RAB44: variants seen among roughly 807,000 people sequenced by gnomAD.
RAB44 encodes RAB44, member RAS oncogene family, also known as ras-related protein Rab-44.
RAB44 carries 67 observed loss-of-function variants against 93.3 expected under a neutral mutation model. The observed-to-expected ratio is 0.72, with a 90% confidence interval of 0.59 to 0.88. The LOEUF (loss-of-function observed/expected upper bound fraction) is 0.88. RAB44 is among the 40% of genes least tolerant of loss of function. The pLI is 0.00. For missense variants in RAB44, 1,064 were observed against 1,261.7 expected, an observed-to-expected ratio of 0.84 and a Z score of 2.37; for synonymous variants, 427 against 520.3, an observed-to-expected ratio of 0.82 and a Z score of 2.44.
intron 10 of RAB44, among the ~76,000 whole-genome samples, chr6:36,727,102 G>A (rs917927349): frequency 9.9e-5 from 15 of 152,118 alleles, no homozygotes; most frequent in African/African-American, 3.6e-4. Context: ...TGCCCAGCCC[G>A]ATAGGGAAAT....
chr6:36,707,853 T>C (rs190680208), intron 2 of RAB44, among the ~76,000 whole-genome samples: 2 of 152,266 alleles, frequency 1.3e-5, no homozygotes, highest in East Asian at 3.9e-4. Flanking sequence ...CCTAATAATA[T>C]CAGAACGGAG....
rs1048470296 is a variant in RAB44, at chr6:36,704,113, G to A, written c.-12-111G>A. 28 of 998,112 alleles carry A rather than the reference G, an allele frequency of 2.8e-5. No individual in the cohort carries two copies. The African/African-American group carries it at 3.7e-4, about 13-fold the overall frequency. 61.8% of individuals were successfully genotyped at this position (998,112 alleles called of 1,614,324 possible). A position where few individuals can be genotyped will look rare whatever the true frequency, so the allele number is the denominator to read the frequency against. ...CGGGACACCATCAGGCCGGGCTTTG[G>A]CAGCCACAGTGGATTTTCTTCCAAG... On this transcript the variant is annotated intron_variant, in intron 1 of 13. Transcript: ENST00000612677.
At chr6:36,714,625 G>A (rs1358447974) in intron 3 of RAB44, among the ~76,000 whole-genome samples, 2 of 152,378 alleles carry the variant, frequency 1.3e-5, no homozygotes, top group African/African-American at 4.8e-5. Flanking sequence ...TTCTGGCAAT[G>A]GAGAAGCTGA....
In RAB44 at chr6:36,722,595, A is replaced by G. The variant is rs1277867231; in HGVS notation, c.2461A>G (p.Met821Val). The G allele has an allele frequency of 1.7e-5, 26 of 1,550,458 alleles. No individual in the cohort carries two copies. The highest frequency in any genetic ancestry group is 1.4e-5 in the Non-Finnish European group (16 of 1,146,970). Residue 821 changes from methionine to valine, a missense_variant, in exon 9 of 14, where the codon ATG (methionine) becomes GTG (valine). Physicochemically the swap from Met to Val is conservative, Grantham distance 21 (BLOSUM62 1). Coordinates refer to ENST00000612677, the MANE Select transcript of RAB44 (RefSeq NM_001257357.2). Reference protein sequence around the residue: ...AGLTPSPGDPMAGGGPQANPD... With the variant: ...AGLTPSPGDPVAGGGPQANPD... The stretch of plus-strand genomic sequence containing the variant: ...GCTGACCCCATCCCCGGGAGACCCC[A>G]TGGCTGGAGGGGGACCCCAGGCCAA...
In RAB44 at chr6:36,732,065, C is replaced by A; in HGVS notation, c.3038C>A (p.Pro1013Gln). The A allele has an allele frequency of 1.6e-6, 2 of 1,234,378 alleles. No individual in the cohort carries two copies. The highest frequency in any genetic ancestry group is 2.0e-6 in the Non-Finnish European group (2 of 988,210). The allele number at this position is 1,234,378 out of a possible 1,614,324, so 76.5% of individuals were successfully genotyped here. A position where few individuals can be genotyped will look rare whatever the true frequency, so the allele number is the denominator to read the frequency against. ...DSLVKVAPKR[P>Q]PKRFGCCS ...CTGGTGAAGGTGGCCCCCAAGAGGC[C>A]GCCCAAGAGATTCGGCTGTTGCTCC... is the stretch of plus-strand genomic sequence containing the variant. Residue 1013 changes from proline to glutamine, a missense_variant, in exon 14 of 14, where the codon CCG (proline) becomes CAG (glutamine). Physicochemically the swap from Pro to Gln is moderately conservative, Grantham distance 76. Coordinates refer to ENST00000612677, the MANE Select transcript of RAB44 (RefSeq NM_001257357.2).
Position 36,715,384 on chromosome 6 carries a change from A to AT in RAB44, c.320-93dup. The AT allele has an allele frequency of 2.6e-6, 3 of 1,140,806 alleles. 1 individual carries two copies. The South Asian group carries it at 4.4e-5, about 17-fold the overall frequency. 70.7% of individuals were successfully genotyped at this position (1,140,806 alleles called of 1,614,324 possible). ...TGTAAATGTGACTGGCACAGGTAGA[A>AT]TTACTTCCCTGAGGGCTGGACCAGG... On this transcript the variant is annotated intron_variant, in intron 3 of 13. Transcript: ENST00000612677.
rs141341357 is a variant in RAB44 at position 36,726,288 on chromosome 6, C to T, written c.2681+345C>T. 2.4e-3 allele frequency among the ~76,000 whole-genome samples: 370 copies of T among 152,282 alleles called. 2 individuals carry two copies. Among genetic ancestry groups the T allele is most frequent in the African/African-American group, 8.5e-3 (355 of 41,546 alleles). On this transcript the variant is annotated intron_variant, in intron 10 of 13. Coordinates refer to ENST00000612677, the MANE Select transcript of RAB44 (RefSeq NM_001257357.2). ...TGAGATGGAGTCTCGCTGTATTGCTCAGGCTGGAGTACAGTGGCGTGATCT... is the reference window on the plus strand; with the variant it reads ...TGAGATGGAGTCTCGCTGTATTGCTTAGGCTGGAGTACAGTGGCGTGATCT...
intron 12 of RAB44, among the ~76,000 whole-genome samples, chr6:36,729,486 C>CTTTT (rs1253274086): frequency 5.8e-5 from 8 of 137,212 alleles, no homozygotes; most frequent in African/African-American, 1.4e-4. Context: ...TTCTTTCTTT[C>CTTTT]TTTTTTTTTT....
chr6:36,722,379 G>C lies in RAB44; in HGVS notation c.2245G>C (p.Gly749Arg). The change falls in exon 9 of 14, where the codon GGG (glycine) becomes CGG (arginine). Residue 749 changes from glycine (G) to arginine (R), a missense_variant. Transcript: ENST00000612677. Reference protein sequence around the residue: ...SAPPRGSPPRGAQPGAGAGPQ... With the variant: ...SAPPRGSPPRRAQPGAGAGPQ... ...ACCTCCAAGGGGCTCTCCTCCCAGG[G>C]GGGCTCAGCCTGGGGCTGGAGCAGG... is the stretch of plus-strand genomic sequence containing the variant. The C allele has an allele frequency of 1.5e-6, 2 of 1,367,836 alleles. No homozygotes were observed. The highest frequency in any genetic ancestry group is 1.9e-6 in the Non-Finnish European group (2 of 1,062,140). 84.7% of individuals were successfully genotyped at this position (1,367,836 alleles called of 1,614,324 possible). A position where few individuals can be genotyped will look rare whatever the true frequency, so the allele number is the denominator to read the frequency against.
Position 36,718,072 on chromosome 6 carries a change from A to G in RAB44, c.686A>G (p.Glu229Gly). The change falls in exon 6 of 14, where the codon GAG becomes GGG. Residue 229 changes from glutamate (E) to glycine (G), a missense_variant. Transcript: ENST00000612677. ...HHREVQQLYEEMEQQIRQEKQ... is the reference protein window; with the variant it reads ...HHREVQQLYEGMEQQIRQEKQ... ...CGCGAGGTCCAGCAGCTCTATGAGG[A>G]GATGGAGCAGCAGATCCGCCAGGAG... The G allele has an allele frequency of 2.4e-6, 3 of 1,231,952 alleles. No homozygotes were observed. The highest frequency in any genetic ancestry group is 3.0e-6 in the Non-Finnish European group (3 of 988,014). 76.3% of individuals were successfully genotyped at this position (1,231,952 alleles called of 1,614,324 possible).
intron 2 of RAB44, among the ~76,000 whole-genome samples, chr6:36,710,689 G>C (rs1762763550): frequency 6.6e-6 from 1 of 151,402 alleles, no homozygotes; most frequent in Admixed American, 6.6e-5. Context: ...CATGATCTTG[G>C]CTCACCGCAA....
At chr6:36,715,353 G>A (rs1329659420) in intron 3 of RAB44, 126 bp from the exon 4 acceptor site, 3 of 816,114 alleles carry the variant, frequency 3.7e-6, no homozygotes, top group Non-Finnish European at 5.6e-6. Flanking sequence ...TGTGAATGTA[G>A]CCTTGTGTAA....
intron 7 of RAB44, among the ~76,000 whole-genome samples, chr6:36,719,797 T>C (rs1763024302): frequency 6.6e-6 from 1 of 152,146 alleles, no homozygotes; most frequent in African/African-American, 2.4e-5. Flanking sequence ...TGAGCGGGCA[T>C]GAGCTGTGGA....
chr6:36,716,469 CAAAAAAAAA>C (rs567193522), intron 4 of RAB44, among the ~76,000 whole-genome samples: 1 of 76,262 alleles, frequency 1.3e-5, no homozygotes, highest in Non-Finnish European at 2.8e-5. Context: ...GACTCTGTCT[CAAAAAAAAA>C]AAAAAAAAAA....
intron 9 of RAB44, 130 bp downstream of exon 9, chr6:36,722,863 T>G: frequency 9.8e-7 from 1 of 1,019,444 alleles, no homozygotes; most frequent in South Asian, 1.7e-5. Context: ...GGGCCCTGCA[T>G]TAGACATTGT....
At chr6:36,714,084 C>T (rs1416223495) in intron 3 of RAB44, 145 bp downstream of exon 3, 3 of 626,678 alleles carry the variant, frequency 4.8e-6, no homozygotes, top group Non-Finnish European at 8.5e-6. Flanking sequence ...GGTCCGGGGC[C>T]CTCCCCTGTG....
chr6:36,712,193 C>T (rs568829338), intron 2 of RAB44, among the ~76,000 whole-genome samples: 1 of 151,924 alleles, frequency 6.6e-6, no homozygotes, highest in East Asian at 2.0e-4. Flanking sequence ...ATCCCAGCTA[C>T]TCAAGAGGCT....
chr6:36,717,559 T>A lies in RAB44; in HGVS notation c.641+140T>A. On this transcript the variant is annotated intron_variant, in intron 5 of 13. Transcript: ENST00000612677. This position sits in a 1 kb window ranked among gnomAD's most constrained non-coding sequence, Gnocchi z 4.1. ...GGCAGAGCTGCGCTGGAGGAAGAGG[T>A]GGCTCAGGGGACCGGGTGGGGAGGA... The A allele has an allele frequency of 1.0e-6, 1 of 994,170 alleles. No individual in the cohort carries two copies. Among genetic ancestry groups the A allele is most frequent in the Non-Finnish European group, 1.3e-6 (1 of 772,228 alleles). The allele number at this position is 994,170 out of a possible 1,614,324, so 61.6% of individuals were successfully genotyped here. A position where few individuals can be genotyped will look rare whatever the true frequency, so the allele number is the denominator to read the frequency against.
At chr6:36,703,827 C>T (rs1267024554) in intron 1 of RAB44, among the ~76,000 whole-genome samples, 1 of 152,120 alleles carries the variant, frequency 6.6e-6, no homozygotes, top group Non-Finnish European at 1.5e-5. Flanking sequence ...TATGGCCCTT[C>T]AGACAGCTAG....
Sources: allele counts gnomAD v4.1 joint callset (sites outside exome capture counted in the v4.1 genomes callset), GRCh38; gene constraint gnomAD v4.1.1; non-coding constraint Gnocchi (gnomAD v3.1); transcripts MANE v1.5; gene names NCBI Gene and HGNC (gene_info 2026-07-23, HGNC 2026-07-21).